RBM33: variants seen among roughly 807,000 people sequenced by gnomAD.
RBM33 encodes RNA binding motif protein 33.
Under a neutral mutation model 132.6 loss-of-function variants are expected in RBM33, and 28 were observed. The observed-to-expected ratio is 0.21, with a 90% CI of 0.16 to 0.29. RBM33 has a LOEUF of 0.29. Among genes scored for constraint, RBM33 ranks in the 10% least tolerant of loss-of-function variants. The pLI, the probability that RBM33 is intolerant of heterozygous loss-of-function variation, is 1.00. For missense variants in RBM33, 1,291 were observed against 1,518.5 expected (o/e 0.85, Z 2.49); for synonymous variants, 634 against 593.0 (o/e 1.07, Z -1.01).
chr7:155,700,743 CTT>C (rs1163034324), intron 5 of RBM33, 28 bp from the exon 6 acceptor site: 38 of 1,486,390 alleles, frequency 2.6e-5, no homozygotes, highest in Non-Finnish European at 3.3e-5. Context: ...ACTTACTGTC[CTT>C]TTTTTGCCTT....
intron 7 of RBM33, among the ~76,000 whole-genome samples, chr7:155,708,728 A>G (rs1246618851): frequency 6.6e-6 from 1 of 152,210 alleles, no homozygotes; most frequent in Non-Finnish European, 1.5e-5. Context: ...CTTTGTAAGC[A>G]ATAGTCTCGT....
intron 9 of RBM33, among the ~76,000 whole-genome samples, chr7:155,720,017 G>A (rs951227223): frequency 2.6e-5 from 4 of 151,980 alleles, no homozygotes; most frequent in African/African-American, 9.7e-5. Flanking sequence ...TATTAGAAGA[G>A]GATAATAAAA....
chr7:155,672,251 A>G (rs1798962423), intron 2 of RBM33, among the ~76,000 whole-genome samples: 3 of 152,164 alleles, frequency 2.0e-5, no homozygotes, highest in Non-Finnish European at 1.5e-5. Flanking sequence ...ATGACTTACT[A>G]TATTACAGTT....
At chr7:155,766,979 T>C in intron 16 of RBM33, 1 of 306,994 alleles carries the variant, frequency 3.3e-6, no homozygotes, top group Non-Finnish European at 5.9e-6. Context: ...ATCAAATGAC[T>C]TGTTTTATTT....
chr7:155,674,035 C>T (rs889584689), intron 3 of RBM33, among the ~76,000 whole-genome samples: 11 of 137,918 alleles, frequency 8.0e-5, no homozygotes, highest in African/African-American at 2.8e-4. Context: ...TCACTGCAAG[C>T]TTCTAGAAGT....
At chr7:155,726,566 T>A (rs1283162994) in intron 9 of RBM33, among the ~76,000 whole-genome samples, 2 of 152,228 alleles carry the variant, frequency 1.3e-5, no homozygotes, top group Admixed American at 6.5e-5. Flanking sequence ...ATTAAAGTCA[T>A]CTTTTCTTTC....
chr7:155,772,388 G>A (rs1802460566), intron 16 of RBM33, among the ~76,000 whole-genome samples: 1 of 152,216 alleles, frequency 6.6e-6, no homozygotes, highest in Non-Finnish European at 1.5e-5. Context: ...CTCTTTGGAA[G>A]TTGCTCTATT....
intron 14 of RBM33, among the ~76,000 whole-genome samples, chr7:155,763,026 A>G (rs1209757974): frequency 2.0e-5 from 3 of 152,214 alleles, no homozygotes; most frequent in Admixed American, 6.5e-5. Flanking sequence ...TGCTGCCTGG[A>G]CGTATGAACA....
intron 9 of RBM33, among the ~76,000 whole-genome samples, chr7:155,721,362 T>C (rs760979444): frequency 3.4e-4 from 51 of 152,174 alleles, no homozygotes; most frequent in Non-Finnish European, 6.2e-4. Context: ...ACCTTACTGC[T>C]TATTAGGAGC....
At chr7:155,765,671 C>T (rs552594900) in intron 15 of RBM33, among the ~76,000 whole-genome samples, 1 of 152,340 alleles carries the variant, frequency 6.6e-6, no homozygotes, top group East Asian at 1.9e-4. Flanking sequence ...CTGTCCTAGG[C>T]TACATTGGGC....
intron 5 of RBM33, among the ~76,000 whole-genome samples, chr7:155,690,171 A>ATGTG (rs1362401408): frequency 1.3e-5 from 2 of 152,200 alleles, no homozygotes; most frequent in Non-Finnish European, 2.9e-5. Context: ...GGGTGCACAT[A>ATGTG]TGTGTAGGAT....
chr7:155,673,259 T>G (rs775576223), intron 3 of RBM33, among the ~76,000 whole-genome samples: 5 of 152,106 alleles, frequency 3.3e-5, no homozygotes, highest in Non-Finnish European at 5.9e-5. Flanking sequence ...GGATTTCACT[T>G]TTTGGAGGCA....
chr7:155,732,539 C>T (rs958995080), intron 9 of RBM33, among the ~76,000 whole-genome samples: 5 of 152,172 alleles, frequency 3.3e-5, no homozygotes, highest in East Asian at 3.8e-4. Context: ...CATCCGTAGC[C>T]GACTTTCACC....
intron 5 of RBM33, among the ~76,000 whole-genome samples, chr7:155,700,545 C>CTTTTT (rs1563150189): frequency 1.2e-5 from 1 of 82,804 alleles, no homozygotes; most frequent in Admixed American, 1.5e-4. Context: ...AAGAATTTGA[C>CTTTTT]CTTTTTTTTT....
rs534823445 is a variant in RBM33, at chr7:155,684,720, G to A, written c.567+3812G>A. Among the ~76,000 whole-genome samples, 10 of 152,270 alleles carry A rather than the reference G, an allele frequency of 6.6e-5. No homozygotes were observed. The East Asian group carries it at 1.9e-3, about 29-fold the overall frequency. Reference sequence around the variant, plus strand: ...AAGCAGAGCCCACGGCACTTGCTCTGGTGGCTGGGCCAGCATGATATGCTT... The same window carrying A: ...AAGCAGAGCCCACGGCACTTGCTCTAGTGGCTGGGCCAGCATGATATGCTT... On this transcript the variant is annotated intron_variant, in intron 5 of 17. Transcript: ENST00000401878.
chr7:155,738,476 A>T, intron 11 of RBM33, 73 bp downstream of exon 11: 1 of 1,379,026 alleles, frequency 7.3e-7, no homozygotes, highest in Non-Finnish European at 9.8e-7. Flanking sequence ...AAAGTTTCAG[A>T]TTTTTATTTG....
chr7:155,701,273 T>TG (rs1799955428), intron 6 of RBM33: 1 of 433,638 alleles, frequency 2.3e-6, no homozygotes, highest in African/African-American at 2.0e-5. Context: ...ATGGTAGCTA[T>TG]GGGGCCAGGT....
intron 10 of RBM33, 39 bp downstream of exon 10, chr7:155,737,701 CT>C (rs1801175882): frequency 1.3e-6 from 2 of 1,514,868 alleles, no homozygotes; most frequent in Admixed American, 4.9e-5. Context: ...ACAACAGAAG[CT>C]GCATTGGGTG....
intron 6 of RBM33, chr7:155,701,270 C>CT: frequency 2.3e-6 from 1 of 440,658 alleles, no homozygotes; most frequent in Non-Finnish European, 4.0e-6. Flanking sequence ...GGGATGGTAG[C>CT]TATGGGGCCA....
Sources: gnomAD v4.1 joint callset for allele counts (sites outside exome capture counted in the v4.1 genomes callset) on GRCh38, gnomAD v4.1.1 for gene constraint, MANE v1.5 for transcripts, NCBI Gene and HGNC (gene_info 2026-07-23, HGNC 2026-07-21) for gene names.